Variants in METTL15 observed in about 807,000 individuals in gnomAD.
The protein encoded by METTL15 is 12S rRNA N(4)-cytidine methyltransferase METTL15.
A neutral mutation model predicts 38.3 loss-of-function variants in METTL15; 34 were observed. The observed-to-expected ratio is 0.89, with a 90% confidence interval of 0.68 to 1.18. METTL15 has a LOEUF of 1.18. Among genes scored for constraint, METTL15 ranks in the 50% most tolerant of loss-of-function variants. The pLI, the probability that METTL15 is intolerant of heterozygous loss-of-function variation, is 0.00. For missense variants in METTL15, 438 were observed against 498.4 expected (o/e 0.88, Z 1.15); for synonymous variants, 162 against 170.9 (o/e 0.95, Z 0.41).
At position 28,371,732 on chromosome 11, in the gene METTL15, G is replaced by T. The variant is rs756026928; in HGVS notation, c.*358+9696G>T. Among the ~76,000 whole-genome samples, 7 of 151,910 alleles carry T rather than the reference G, an allele frequency of 4.6e-5. No individual in the cohort carries two copies. The South Asian group carries it at 1.2e-3, about 27-fold the overall frequency. On this transcript the variant is annotated intron_variant and NMD_transcript_variant, in intron 5 of 7. Coordinates refer to the METTL15 transcript ENST00000532947. Reference sequence around the variant, plus strand: ...ACTTCTTTGCTTAAATTAACTTCTAGGTAATTTATATTATTTGAAGCCATT... The same window carrying T: ...ACTTCTTTGCTTAAATTAACTTCTATGTAATTTATATTATTTGAAGCCATT...
chr11:28,143,254 A>G (rs549391664), intron 3 of METTL15, among the ~76,000 whole-genome samples: 2 of 152,168 alleles, frequency 1.3e-5, no homozygotes. Flanking sequence ...TTATTAAGTC[A>G]TAACCCATGT....
At chr11:28,517,232 TG>T (rs1451577844) in intron 6 of METTL15, 1 of 151,488 alleles carries the variant, frequency 6.6e-6, no homozygotes, top group African/African-American at 2.4e-5. Context: ...CAATCAATTG[TG>T]GCATCCTTAG....
intron 3 of METTL15, among the ~76,000 whole-genome samples, chr11:28,118,658 G>A (rs1852076766): frequency 6.6e-6 from 1 of 152,104 alleles, no homozygotes; most frequent in Non-Finnish European, 1.5e-5. Flanking sequence ...TGATACTCTT[G>A]CCCCAGTAGT....
chr11:28,375,815 T>C (rs1003791812), intron 5 of METTL15, among the ~76,000 whole-genome samples: 4 of 151,952 alleles, frequency 2.6e-5, no homozygotes, highest in Admixed American at 6.6e-5. Context: ...GTGCTATAAA[T>C]TTCCCTCTAC....
chr11:28,484,730 T>C (rs1851424078), intron 6 of METTL15, among the ~76,000 whole-genome samples: 1 of 152,184 alleles, frequency 6.6e-6, no homozygotes, highest in Admixed American at 6.5e-5. Context: ...CTTTTTCACC[T>C]GCTCTTCTTA....
downstream of METTL15, among the ~76,000 whole-genome samples, chr11:28,529,959 G>C (rs952942132): frequency 1.3e-5 from 2 of 152,112 alleles, no homozygotes; most frequent in South Asian, 4.1e-4. Flanking sequence ...AAAATATGGG[G>C]ATAAAAGGCA....
At chr11:28,467,449 C>T (rs1484636872) in intron 6 of METTL15, among the ~76,000 whole-genome samples, 4 of 152,182 alleles carry the variant, frequency 2.6e-5, no homozygotes, top group Admixed American at 2.6e-4. Flanking sequence ...CTCCACTCTG[C>T]GTGTATCTAA....
intron 3 of METTL15, among the ~76,000 whole-genome samples, chr11:28,162,205 C>G (rs1236091225): frequency 1.3e-5 from 2 of 152,032 alleles, no homozygotes; most frequent in Non-Finnish European, 1.5e-5. Context: ...CAGCCAGGCT[C>G]TAGAGCCTTC....
intron 4 of METTL15, among the ~76,000 whole-genome samples, chr11:28,214,217 A>G (rs557887290): frequency 1.3e-5 from 2 of 151,846 alleles, no homozygotes; most frequent in Admixed American, 1.3e-4. Flanking sequence ...TATTTTTAGT[A>G]GAGATGAGGT....
chr11:28,148,379 A>G (rs1366118542), intron 3 of METTL15, among the ~76,000 whole-genome samples: 3 of 151,884 alleles, frequency 2.0e-5, no homozygotes, highest in Admixed American at 6.6e-5. Flanking sequence ...CTCTCTGAAG[A>G]GTAAATCTCT....
At chr11:28,279,290 T>TAAC (rs1249760924) in intron 4 of METTL15, among the ~76,000 whole-genome samples, 1 of 152,206 alleles carries the variant, frequency 6.6e-6, no homozygotes, top group Non-Finnish European at 1.5e-5. Flanking sequence ...TTTTTGATAC[T>TAAC]AACATTCGAA....
At chr11:28,194,122 A>ATCTATCTTTCTT (rs1554995563) in intron 3 of METTL15, among the ~76,000 whole-genome samples, 9 of 99,078 alleles carry the variant, frequency 9.1e-5, no homozygotes, top group African/African-American at 2.4e-4. Context: ...TTGATGGTTG[A>ATCTATCTTTCTT]TCTTTCTTTC....
chr11:28,489,758 C>T (rs2585816), intron 6 of METTL15, among the ~76,000 whole-genome samples: 151,249 of 152,262 alleles, frequency 0.99, 75,132 homozygotes, highest in Middle Eastern at 1. Context: ...GGTTCGTCAG[C>T]TATATTGTGA....
At chr11:28,151,836 A>C (rs1850099793) in intron 3 of METTL15, among the ~76,000 whole-genome samples, 1 of 152,056 alleles carries the variant, frequency 6.6e-6, no homozygotes, top group Non-Finnish European at 1.5e-5. Flanking sequence ...AAAGTTTAGA[A>C]TCTTAAGTAG....
chr11:28,130,676 A>G (rs1016766338), intron 3 of METTL15, among the ~76,000 whole-genome samples: 2 of 152,206 alleles, frequency 1.3e-5, no homozygotes, highest in Non-Finnish European at 1.5e-5. Context: ...GTCAGTCTAC[A>G]TGCGCAGATG....
intron 5 of METTL15, among the ~76,000 whole-genome samples, chr11:28,372,448 T>C (rs1262503404): frequency 1.4e-5 from 1 of 73,428 alleles, no homozygotes; most frequent in Non-Finnish European, 2.4e-5. Flanking sequence ...TTTTGTTGTG[T>C]TCTTTTTTTT....
chr11:28,413,940 A>G lies in METTL15; in HGVS notation c.*359-10359A>G, dbSNP rs780451925. On this transcript the variant is annotated intron_variant and NMD_transcript_variant, in intron 5 of 7. Coordinates refer to the METTL15 transcript ENST00000532947. The stretch of plus-strand genomic sequence containing the variant: ...ATCATGTAGTGCAGAGTTTCTTAAC[A>G]TTCCTATTTGTGCACTAATAGTTAT... Among the ~76,000 whole-genome samples, 7 of 152,302 alleles carry G rather than the reference A, an allele frequency of 4.6e-5. No homozygotes were observed. In the South Asian group the frequency reaches 1.2e-3, roughly 27 times the overall value.
In METTL15 at chr11:28,218,166, T is replaced by G. The variant is rs978816739; in HGVS notation, c.407+6968T>G. 1.5e-4 allele frequency among the ~76,000 whole-genome samples: 23 copies of G among 152,226 alleles called. No individual in the cohort carries two copies. In the East Asian group the frequency reaches 2.7e-3, roughly 18 times the overall value. On this transcript the variant is annotated intron_variant, in intron 4 of 6. Transcript: ENST00000407364. The stretch of plus-strand genomic sequence containing the variant: ...CCTTGGATAGTGTGGCCATTTTCAC[T>G]ATATTGATTCTTCCTACCCATGAGC...
intron 6 of METTL15, among the ~76,000 whole-genome samples, chr11:28,492,261 T>C (rs1000202299): frequency 6.6e-6 from 1 of 152,060 alleles, no homozygotes; most frequent in Non-Finnish European, 1.5e-5. Flanking sequence ...GTGAAGCAGT[T>C]TGTGGTGTCT....
Sources: gnomAD v4.1 joint callset for allele counts (sites outside exome capture counted in the v4.1 genomes callset) on GRCh38, gnomAD v4.1.1 for gene constraint, MANE v1.5 for transcripts, NCBI Gene and HGNC (gene_info 2026-07-23, HGNC 2026-07-21) for gene names.